Variants in LDLRAD4 observed in about 807,000 individuals in gnomAD.
LDLRAD4 encodes the protein low-density lipoprotein receptor class A domain-containing protein 4.
A neutral mutation model predicts 17.0 loss-of-function variants in LDLRAD4; 5 were observed. The ratio of observed to expected loss-of-function variants is 0.29; its 90% CI spans 0.15 to 0.62. The LOEUF is 0.62. Ranked by LOEUF, LDLRAD4 falls within the 20% of genes least tolerant of loss-of-function variation. The pLI is 0.84. For missense variants in LDLRAD4, 340 were observed against 424.7 expected (o/e 0.80, Z 1.75); for synonymous variants, 168 against 171.8 (o/e 0.98, Z 0.17).
chr18:13,378,230 C>T (rs1442850735), intron 1 of LDLRAD4, among the ~76,000 whole-genome samples: 5 of 152,066 alleles, frequency 3.3e-5, no homozygotes, highest in Non-Finnish European at 4.4e-5. Context: ...GGTGTGGCCC[C>T]GTTAGTTAGG....
rs1271773300 is a variant in LDLRAD4 at position 13,622,637 on chromosome 18, T to C, written c.336+1366T>C. On this transcript the variant is annotated intron_variant, in intron 4 of 5. Coordinates refer to ENST00000359446, the Ensembl canonical transcript of LDLRAD4. The surrounding 1 kb of genome is among the most constrained non-coding windows in gnomAD (Gnocchi z 5.3). ...CGCCATCCAGACGCACTGAACACTT[T>C]GGCATCCTGATGCCTGTAGATTGTT... is the stretch of plus-strand genomic sequence containing the variant. 6.6e-6 allele frequency among the ~76,000 whole-genome samples: 1 copy of C among 152,194 alleles called. No homozygotes were observed. Among genetic ancestry groups the C allele is most frequent in the African/African-American group, 2.4e-5 (1 of 41,444 alleles).
chr18:13,538,660 G>T (rs991946046), intron 3 of LDLRAD4, among the ~76,000 whole-genome samples: 1 of 152,112 alleles, frequency 6.6e-6, no homozygotes. Flanking sequence ...CATTAGCTGG[G>T]ACTACAGGTG....
intron 1 of LDLRAD4, among the ~76,000 whole-genome samples, chr18:13,369,503 A>G (rs1263271200): frequency 6.6e-6 from 1 of 152,108 alleles, no homozygotes; most frequent in Non-Finnish European, 1.5e-5. Context: ...TGGCCAGAGC[A>G]TGGCACGGGG....
Position 13,446,659 on chromosome 18 carries a change from G to T in LDLRAD4, c.181+8275G>T, listed in dbSNP as rs531734392. ...GCTCTCCTCTCTGACTCACTGTCTT[G>T]TCAGGAGGATGGAGATGATGACAGC... On this transcript the variant is annotated intron_variant, in intron 3 of 5. Transcript: ENST00000359446. Among the ~76,000 whole-genome samples the T allele has an allele frequency of 3.9e-5, 6 of 152,330 alleles. No individual in the cohort carries two copies. The South Asian group carries it at 8.3e-4, about 21-fold the overall frequency.
intron 3 of LDLRAD4, among the ~76,000 whole-genome samples, chr18:13,445,922 T>C (rs1027296922): frequency 2.0e-5 from 3 of 152,154 alleles, no homozygotes; most frequent in African/African-American, 7.2e-5. Context: ...TTGTTCAGCC[T>C]CTGTGTACCT....
chr18:13,643,464 G>GC (rs2042798728), intron 5 of LDLRAD4, 52 bp downstream of exon 6: 14 of 289,052 alleles, frequency 4.8e-5, no homozygotes, highest in East Asian at 1.1e-4. Flanking sequence ...GGTGGGTGGG[G>GC]ATGAAGGGGG....
chr18:13,426,919 C>G (rs1481474438), intron 2 of LDLRAD4, among the ~76,000 whole-genome samples: 2 of 152,188 alleles, frequency 1.3e-5, no homozygotes, highest in Non-Finnish European at 2.9e-5. Context: ...GGTGCAGTGG[C>G]TCACGCCTGT....
chr18:13,617,643 T>C (rs1460258897), intron 3 of LDLRAD4, among the ~76,000 whole-genome samples: 3 of 152,082 alleles, frequency 2.0e-5, no homozygotes, highest in Non-Finnish European at 4.4e-5. Flanking sequence ...AACCATAATA[T>C]GTAAAGATTT....
In LDLRAD4 at chr18:13,645,732, G is replaced by C; in HGVS notation, c.*75G>C. ...GGCCGCTGGGCCCCTCCTGCGCACA[G>C]TGTTGTTCAGTTTCACATGGTACAA... is the stretch of plus-strand genomic sequence containing the variant. On this transcript the variant is annotated 3_prime_UTR_variant, in exon 6 of 6. Coordinates refer to ENST00000359446, the Ensembl canonical transcript of LDLRAD4. This position sits in a 1 kb window ranked among gnomAD's most constrained non-coding sequence, Gnocchi z 5.7. 5 of 1,170,114 alleles carry C rather than the reference G, an allele frequency of 4.3e-6. No homozygotes were observed. Among genetic ancestry groups the C allele is most frequent in the Non-Finnish European group, 5.9e-6 (5 of 841,426 alleles). 72.5% of individuals were successfully genotyped at this position (1,170,114 alleles called of 1,614,324 possible). A position where few individuals can be genotyped will look rare whatever the true frequency, so the allele number is the denominator to read the frequency against.
At chr18:13,329,990 C>CTG (rs1199415445) in intron 1 of LDLRAD4, among the ~76,000 whole-genome samples, 1 of 150,692 alleles carries the variant, frequency 6.6e-6, no homozygotes, top group African/African-American at 2.4e-5. Flanking sequence ...CAGTCTCACT[C>CTG]TGTTGCCCAG....
chr18:13,238,264 C>T lies in LDLRAD4; in HGVS notation c.-467+19276C>T, dbSNP rs8099063. Reference sequence around the variant, plus strand: ...GGAGACAGATTGCTCGATGACTGGTCGTGGTTTATTGTAAAACGAGAAGGA... The same window carrying T: ...GGAGACAGATTGCTCGATGACTGGTTGTGGTTTATTGTAAAACGAGAAGGA... On this transcript the variant is annotated intron_variant, in intron 1 of 5. Coordinates refer to the LDLRAD4 transcript ENST00000399848. Among the ~76,000 whole-genome samples, 561 of 152,280 alleles carry T rather than the reference C, an allele frequency of 3.7e-3. 6 individuals carry two copies. Among genetic ancestry groups the T allele is most frequent in the African/African-American group, 0.011 (473 of 41,570 alleles).
intron 1 of LDLRAD4, among the ~76,000 whole-genome samples, chr18:13,272,270 A>G (rs1031186738): frequency 4.6e-5 from 7 of 152,154 alleles, no homozygotes; most frequent in Non-Finnish European, 7.4e-5. Flanking sequence ...TGGTCCAGGT[A>G]GAAATCCCCT....
At chr18:13,411,156 G>A (rs1360461558) in intron 2 of LDLRAD4, among the ~76,000 whole-genome samples, 2 of 151,912 alleles carry the variant, frequency 1.3e-5, no homozygotes, top group African/African-American at 4.8e-5. Flanking sequence ...GGAAGCTGAG[G>A]TAGGAGGATC....
intron 1 of LDLRAD4, chr18:13,240,279 C>T (rs2042563539): frequency 6.6e-6 from 1 of 152,236 alleles, no homozygotes; most frequent in Non-Finnish European, 1.5e-5. Flanking sequence ...AAAGCTCAGC[C>T]CTTGGCCCCA....
At chr18:13,568,006 C>T (rs1357102045) in intron 3 of LDLRAD4, among the ~76,000 whole-genome samples, 3 of 146,592 alleles carry the variant, frequency 2.0e-5, no homozygotes, top group Non-Finnish European at 3.0e-5. Context: ...CAAGTTTGGC[C>T]GGGCACTGTG....
chr18:13,537,609 C>T (rs2094218090), intron 3 of LDLRAD4, among the ~76,000 whole-genome samples: 2 of 152,188 alleles, frequency 1.3e-5, no homozygotes, highest in Non-Finnish European at 2.9e-5. Context: ...TCCTAACAGT[C>T]CATGAACCGG....
intron 2 of LDLRAD4, among the ~76,000 whole-genome samples, chr18:13,388,520 A>G (rs903558714): frequency 2.7e-5 from 4 of 149,554 alleles, no homozygotes; most frequent in African/African-American, 7.3e-5. Context: ...GTTGCCTTTC[A>G]TTTAAGAGAA....
intron 3 of LDLRAD4, among the ~76,000 whole-genome samples, chr18:13,575,795 G>C (rs574190386): frequency 6.6e-6 from 1 of 152,250 alleles, no homozygotes; most frequent in African/African-American, 2.4e-5. Context: ...TTGCATTGTA[G>C]TTTTGATTTG....
intron 3 of LDLRAD4, among the ~76,000 whole-genome samples, chr18:13,503,995 A>G (rs1323030082): frequency 6.6e-6 from 1 of 152,212 alleles, no homozygotes; most frequent in African/African-American, 2.4e-5. Flanking sequence ...TGTAGAAATG[A>G]ACTCATGTAG....
Sources: allele counts gnomAD v4.1 joint callset (sites outside exome capture counted in the v4.1 genomes callset), GRCh38; gene constraint gnomAD v4.1.1; non-coding constraint Gnocchi (gnomAD v3.1); transcripts MANE v1.5; gene names NCBI Gene and HGNC (gene_info 2026-07-23, HGNC 2026-07-21).